IP6K1: variants seen among roughly 807,000 people sequenced by gnomAD.
IP6K1 encodes ATP:1D-myo-inositol-hexakisphosphate phosphotransferase.
In IP6K1, 13 loss-of-function variants were observed where a neutral mutation model predicts 38.3. The observed-to-expected ratio is 0.34, with a 90% CI of 0.22 to 0.54. The LOEUF (loss-of-function observed/expected upper bound fraction) is 0.54. Ranked by LOEUF, IP6K1 falls within the 20% of genes least tolerant of loss-of-function variation. The probability of loss-of-function intolerance (pLI) is 0.92; values close to 1 mark genes in which losing one functional copy is unlikely to be tolerated. For synonymous variants in IP6K1, 212 were observed against 229.9 expected (o/e 0.92, Z 0.70); for missense variants, 397 against 599.8 (o/e 0.66, Z 3.53).
At chr3:49,729,315 T>C (rs1464586416) in intron 4 of IP6K1, among the ~76,000 whole-genome samples, 6 of 152,210 alleles carry the variant, frequency 3.9e-5, no homozygotes, top group South Asian at 2.1e-4. Context: ...AATTTTCCAT[T>C]GTATGTATAT....
At chr3:49,752,070 G>C (rs2080781611) in intron 1 of IP6K1, among the ~76,000 whole-genome samples, 2 of 152,182 alleles carry the variant, frequency 1.3e-5, no homozygotes, top group Admixed American at 1.3e-4. Flanking sequence ...CAATGATATG[G>C]TCATGGCTCA....
In IP6K1 at chr3:49,763,546, TAGAA is replaced by T. The variant is rs1328561452; in HGVS notation, c.-128-15382_-128-15379del. Reference sequence around the variant, plus strand: ...TTAGCAAAACAATTCCAATGATATATAGAAAGAATCCCTCATGACAAAGTGGGAA... The same window carrying T: ...TTAGCAAAACAATTCCAATGATATATAGAATCCCTCATGACAAAGTGGGAA... On this transcript the variant is annotated intron_variant, in intron 1 of 5. Transcript: ENST00000321599. Among the ~76,000 whole-genome samples, 3 of 152,218 alleles carry T rather than the reference TAGAA, an allele frequency of 2.0e-5. No homozygotes were observed. The East Asian group carries it at 5.8e-4, about 29-fold the overall frequency.
chr3:49,767,407 C>A (rs1245320418), intron 1 of IP6K1, among the ~76,000 whole-genome samples: 1 of 151,940 alleles, frequency 6.6e-6, no homozygotes, highest in African/African-American at 2.4e-5. Flanking sequence ...GGTGAAACCC[C>A]ATCTCTACTA....
Position 49,727,684 on chromosome 3 carries a change from G to C in IP6K1, c.793-29C>G. The C allele has an allele frequency of 6.2e-7, 1 of 1,601,760 alleles. No homozygotes were observed. The highest frequency in any genetic ancestry group is 8.5e-7 in the Non-Finnish European group (1 of 1,172,290). On this transcript the variant is annotated intron_variant, in intron 5 of 5. Coordinates refer to ENST00000321599, the MANE Select transcript of IP6K1 (RefSeq NM_153273.4). This position sits in a 1 kb window ranked among gnomAD's most constrained non-coding sequence, Gnocchi z 5.9. ...AAACCCCAGGAGGCAGACAGGGTGA[G>C]TGCCAGGGAAGTCTGAAGAGCTCAC...
At position 49,751,576 on chromosome 3, in the gene IP6K1, A is replaced by G. The variant is rs114966277; in HGVS notation, c.-128-3408T>C. Among the ~76,000 whole-genome samples the G allele has an allele frequency of 9.1e-3, 1,380 of 152,216 alleles. 19 individuals carry two copies. The highest frequency in any genetic ancestry group is 0.032 in the African/African-American group (1,324 of 41,504). ...TGATGATGATGTTGGTTGCCTGCAT[A>G]ACGTCTTTCTCTGCTACTTCATTGC... On this transcript the variant is annotated intron_variant, in intron 1 of 5. Transcript: ENST00000321599.
At chr3:49,786,046 G>GC (rs1397899448) in intron 1 of IP6K1, 2 of 152,292 alleles carry the variant, frequency 1.3e-5, no homozygotes, top group African/African-American at 4.8e-5. Flanking sequence ...CATCAGGGTG[G>GC]CACCGGACAC....
At chr3:49,766,390 G>A (rs1232991804) in intron 1 of IP6K1, among the ~76,000 whole-genome samples, 2 of 150,852 alleles carry the variant, frequency 1.3e-5, no homozygotes, top group Non-Finnish European at 3.0e-5. Flanking sequence ...AACGCCAGGC[G>A]CTGTGGCTCA....
intron 4 of IP6K1, 130 bp from the exon 5 acceptor site, chr3:49,728,408 T>C (rs563683149): frequency 2.6e-5 from 20 of 779,248 alleles, no homozygotes; most frequent in Non-Finnish European, 4.1e-5. Flanking sequence ...CTCTCAAATA[T>C]GGGTTTCACA....
chr3:49,772,318 ATATATAATATATAGGAAGAC>A (rs1210404037), intron 1 of IP6K1, among the ~76,000 whole-genome samples: 3 of 147,648 alleles, frequency 2.0e-5, no homozygotes, highest in Non-Finnish European at 3.0e-5. Context: ...TATATTTTAT[ATATATAATATATAGGAAGAC>A]TATATAATAT....
chr3:49,767,792 G>A (rs1237630450), intron 1 of IP6K1, among the ~76,000 whole-genome samples: 1 of 151,968 alleles, frequency 6.6e-6, no homozygotes, highest in Non-Finnish European at 1.5e-5. Flanking sequence ...ATCACCCACA[G>A]AATAGCAGAA....
At position 49,727,990 on chromosome 3, in the gene IP6K1, G is replaced by C; in HGVS notation, c.792+113C>G. 3.7e-6 allele frequency: 4 copies of C among 1,091,856 alleles called. No homozygotes were observed. In the South Asian group the frequency reaches 4.3e-5, roughly 12 times the overall value. 67.6% of individuals were successfully genotyped at this position (1,091,856 alleles called of 1,614,324 possible). ...CCTGAGGCCCATATCAAAGTCAACA[G>C]GTAAGGACAGAGGGGCTCAGGAGGA... On this transcript the variant is annotated intron_variant, in intron 5 of 5. Coordinates refer to ENST00000321599, the MANE Select transcript of IP6K1 (RefSeq NM_153273.4). This position sits in a 1 kb window ranked among gnomAD's most constrained non-coding sequence, Gnocchi z 5.9.
At position 49,781,065 on chromosome 3, in the gene IP6K1, A is replaced by ATTT. The variant is rs34672159; in HGVS notation, c.-129+5286_-129+5288dup. On this transcript the variant is annotated intron_variant, in intron 1 of 5. Coordinates refer to ENST00000321599, the MANE Select transcript of IP6K1 (RefSeq NM_153273.4). ...GGCCCTACCAGAGGAAACAAAAAAGATTTTTTTTTTTTTGAGACAGAGTTT... is the reference window on the plus strand; with the variant it reads ...GGCCCTACCAGAGGAAACAAAAAAGATTTTTTTTTTTTTTTTGAGACAGAGTTT... 2.3e-3 allele frequency among the ~76,000 whole-genome samples: 342 copies of ATTT among 146,838 alleles called. 5 individuals are homozygous for ATTT. Among genetic ancestry groups the ATTT allele is most frequent in the Middle Eastern group, 3.6e-3 (1 of 280 alleles).
intron 1 of IP6K1, chr3:49,775,538 A>G (rs1387873518): frequency 2.9e-6 from 3 of 1,036,678 alleles, no homozygotes; most frequent in African/African-American, 1.6e-5. Context: ...ATGGCTGCCC[A>G]AAGATTGTCA....
At chr3:49,760,680 A>G (rs925010359) in intron 1 of IP6K1, among the ~76,000 whole-genome samples, 1 of 151,914 alleles carries the variant, frequency 6.6e-6, no homozygotes, top group African/African-American at 2.4e-5. Context: ...GGTTCCAAAG[A>G]TACATCATTC....
rs1256970108 is a variant in IP6K1 at position 49,728,109 on chromosome 3, G to GC, written c.785dup (p.Met263HisfsTer25). On this transcript the variant is annotated frameshift_variant, in exon 5 of 6. Coordinates refer to ENST00000321599, the MANE Select transcript of IP6K1 (RefSeq NM_153273.4). LOFTEE classifies it high-confidence loss of function. ...CTGAGCAGAGGTAACTCACCTGCAT[G>GC]CCGCAGACCCTGACGCCCAGCGTGG... is the stretch of plus-strand genomic sequence containing the variant. 1 of 1,612,884 alleles carries GC rather than the reference G, an allele frequency of 6.2e-7. No homozygotes were observed. Among genetic ancestry groups the GC allele is most frequent in the South Asian group, 1.1e-5 (1 of 91,040 alleles).
rs1426937569 is a variant in IP6K1, at chr3:49,759,085, A to T, written c.-128-10917T>A. On this transcript the variant is annotated intron_variant, in intron 1 of 5. Coordinates refer to ENST00000321599, the MANE Select transcript of IP6K1 (RefSeq NM_153273.4). ...TTGATAAATAAACAATTAAAAAAAAAATACCTTCTATCTTTCTATGGTATC... is the reference window on the plus strand; with the variant it reads ...TTGATAAATAAACAATTAAAAAAAATATACCTTCTATCTTTCTATGGTATC... Among the ~76,000 whole-genome samples, 3 of 152,254 alleles carry T rather than the reference A, an allele frequency of 2.0e-5. No individual in the cohort carries two copies. The East Asian group carries it at 5.8e-4, about 29-fold the overall frequency.
At chr3:49,728,076 C>G in intron 5 of IP6K1, 27 bp downstream of exon 5, 1 of 1,600,724 alleles carries the variant, frequency 6.2e-7, no homozygotes, top group Non-Finnish European at 8.5e-7. Context: ...AGTGGCAGCA[C>G]CTAGGCTCTG....
intron 1 of IP6K1, among the ~76,000 whole-genome samples, chr3:49,750,576 T>C (rs2080764162): frequency 1.3e-5 from 2 of 152,104 alleles, no homozygotes; most frequent in African/African-American, 2.4e-5. Flanking sequence ...GGCACATGCC[T>C]GTAATCTCAG....
At chr3:49,774,173 A>G (rs922789141) in intron 1 of IP6K1, among the ~76,000 whole-genome samples, 5 of 152,130 alleles carry the variant, frequency 3.3e-5, no homozygotes, top group Non-Finnish European at 7.4e-5. Context: ...TGGGAGGCCA[A>G]GGCAGGCGGA....
Sources: gnomAD v4.1 joint callset for allele counts (sites outside exome capture counted in the v4.1 genomes callset) on GRCh38, gnomAD v4.1.1 for gene constraint, Gnocchi (gnomAD v3.1) non-coding constraint, MANE v1.5 for transcripts, NCBI Gene and HGNC (gene_info 2026-07-23, HGNC 2026-07-21) for gene names.